PRELID2: variants seen among roughly 807,000 people sequenced by gnomAD.
The protein encoded by PRELID2 is PRELI domain containing 2, also known as PRELI domain-containing protein 2.
In PRELID2, 25 loss-of-function variants were observed where a neutral mutation model predicts 28.4. That is an observed-to-expected ratio of 0.88 (90% confidence interval 0.64 to 1.23). The LOEUF (loss-of-function observed/expected upper bound fraction) is 1.23, where lower values mean the gene tolerates loss of function less well. PRELID2 is among the 50% of genes most tolerant of loss of function. The pLI is 0.00. For missense variants in PRELID2, 201 were observed against 214.4 expected (o/e 0.94, Z 0.39); for synonymous variants, 76 against 71.6 (o/e 1.06, Z -0.31).
intron 1 of PRELID2, among the ~76,000 whole-genome samples, chr5:145,677,947 A>C (rs77846369): frequency 6.6e-6 from 1 of 152,290 alleles, no homozygotes; most frequent in East Asian, 1.9e-4. Flanking sequence ...AGGTAACCAT[A>C]TATTTGTAAA....
intron 1 of PRELID2, among the ~76,000 whole-genome samples, chr5:145,565,515 T>C (rs557612132): frequency 2.0e-5 from 3 of 152,258 alleles, no homozygotes; most frequent in Non-Finnish European, 4.4e-5. Context: ...CAGACAATTG[T>C]AATGCAGTAA....
intron 1 of PRELID2, among the ~76,000 whole-genome samples, chr5:145,667,127 A>G (rs2149680734): frequency 6.6e-6 from 1 of 152,234 alleles, no homozygotes; most frequent in African/African-American, 2.4e-5. Context: ...ATACGCAGAG[A>G]AAAATCCTAG....
At chr5:145,365,066 T>C in the PRELID2 span, among the ~76,000 whole-genome samples, 1 of 151,870 alleles carries the variant, frequency 6.6e-6, no homozygotes, top group African/African-American at 2.4e-5. Flanking sequence ...TAGGAACTCA[T>C]AGAAGTAGAG....
intron 1 of PRELID2, among the ~76,000 whole-genome samples, chr5:145,654,375 G>A (rs541492660): frequency 6.6e-6 from 1 of 152,158 alleles, no homozygotes; most frequent in South Asian, 2.1e-4. Context: ...AGAAAAACAG[G>A]GAATCCTCCC....
the PRELID2 span, among the ~76,000 whole-genome samples, chr5:145,381,067 G>T: frequency 6.6e-6 from 1 of 152,218 alleles, no homozygotes; most frequent in Admixed American, 6.5e-5. Context: ...CACCTTTTCA[G>T]TTAAAAACTA....
intron 1 of PRELID2, among the ~76,000 whole-genome samples, chr5:145,639,653 C>T (rs749070823): frequency 5.9e-5 from 9 of 152,098 alleles, no homozygotes; most frequent in Non-Finnish European, 1.0e-4. Flanking sequence ...CTATTCAATG[C>T]GATCTGGAAA....
At chr5:145,267,161 C>G in the PRELID2 span, among the ~76,000 whole-genome samples, 1 of 152,130 alleles carries the variant, frequency 6.6e-6, no homozygotes, top group Admixed American at 6.6e-5. Flanking sequence ...GGACAGGAAG[C>G]ATTCAGCACA....
intron 1 of PRELID2, among the ~76,000 whole-genome samples, chr5:145,587,774 C>T (rs115418097): frequency 1.9e-3 from 294 of 152,226 alleles, no homozygotes; most frequent in African/African-American, 6.7e-3. Flanking sequence ...TTTCTATTTC[C>T]TTGATTCACT....
At chr5:145,726,308 A>T (rs1756162489) in intron 1 of PRELID2, among the ~76,000 whole-genome samples, 1 of 143,952 alleles carries the variant, frequency 6.9e-6, no homozygotes, top group Non-Finnish European at 1.5e-5. Context: ...AAAAAGAAAG[A>T]GAGAGAGAGA....
chr5:145,286,682 C>G, the PRELID2 span, among the ~76,000 whole-genome samples: 14 of 151,002 alleles, frequency 9.3e-5, no homozygotes, highest in Non-Finnish European at 1.9e-4. Flanking sequence ...TGAGATTTGA[C>G]TGCCAACATA....
At chr5:145,459,813 ATT>A in the PRELID2 span, among the ~76,000 whole-genome samples, 49 of 141,882 alleles carry the variant, frequency 3.5e-4, no homozygotes, top group African/African-American at 9.6e-4. Flanking sequence ...TTACAATTTA[ATT>A]TTTTTTTTTT....
At chr5:145,833,195 G>C (rs1248556045) in intron 1 of PRELID2, among the ~76,000 whole-genome samples, 1 of 152,208 alleles carries the variant, frequency 6.6e-6, no homozygotes, top group Non-Finnish European at 1.5e-5. Flanking sequence ...ATTGTGTTAT[G>C]TGCTTCTGCA....
chr5:145,682,564 A>G (rs1426100278), intron 1 of PRELID2, among the ~76,000 whole-genome samples: 1 of 152,182 alleles, frequency 6.6e-6, no homozygotes, highest in East Asian at 1.9e-4. Context: ...AAAGCCACCA[A>G]GGGTGCACCC....
chr5:145,502,334 C>T (rs1186772219), intron 1 of PRELID2, among the ~76,000 whole-genome samples: 1 of 152,058 alleles, frequency 6.6e-6, no homozygotes, highest in Non-Finnish European at 1.5e-5. Context: ...TTGTGCTAAC[C>T]CATTCATGAT....
chr5:145,786,660 T>G (rs903102033), intron 5 of PRELID2, among the ~76,000 whole-genome samples: 1 of 152,214 alleles, frequency 6.6e-6, no homozygotes, highest in Non-Finnish European at 1.5e-5. Context: ...TACATATGTG[T>G]TGTTTCAAGC....
chr5:145,679,612 C>T (rs1009507009), intron 1 of PRELID2, among the ~76,000 whole-genome samples: 1 of 152,066 alleles, frequency 6.6e-6, no homozygotes, highest in Non-Finnish European at 1.5e-5. Flanking sequence ...ATCAGATGCT[C>T]AGTAAATACT....
At chr5:145,610,020 T>C (rs972158340) in intron 1 of PRELID2, among the ~76,000 whole-genome samples, 2 of 152,224 alleles carry the variant, frequency 1.3e-5, no homozygotes, top group Non-Finnish European at 2.9e-5. Context: ...CCAAGGCTTA[T>C]AGAGGTCCTG....
the PRELID2 span, chr5:145,229,834 A>G: frequency 1.3e-6 from 1 of 760,248 alleles, no homozygotes; most frequent in Admixed American, 1.7e-5. Context: ...TGCATCGCCA[A>G]GTCCCAGGAG....
chr5:145,752,941 C>A (rs1757163111), downstream of PRELID2, among the ~76,000 whole-genome samples: 1 of 152,192 alleles, frequency 6.6e-6, no homozygotes, highest in Admixed American at 6.5e-5. Context: ...TCCCTACAAA[C>A]CACTGAAGAA....
Sources: gnomAD v4.1 joint callset for allele counts (sites outside exome capture counted in the v4.1 genomes callset) on GRCh38, gnomAD v4.1.1 for gene constraint, MANE v1.5 for transcripts, NCBI Gene and HGNC (gene_info 2026-07-23, HGNC 2026-07-21) for gene names.